Variants in LRFN2 observed in about 807,000 individuals in gnomAD.
LRFN2 encodes leucine-rich repeat and fibronectin type-III domain-containing protein 2.
In LRFN2, 18 loss-of-function variants were observed where a neutral mutation model predicts 37.3. The ratio of observed to expected loss-of-function variants is 0.48; its 90% CI spans 0.33 to 0.72. The LOEUF is 0.72. Among genes scored for constraint, LRFN2 ranks in the 30% least tolerant of loss-of-function variants. LRFN2 has a pLI of 0.02. For missense variants in LRFN2, 1,006 were observed against 1,060.7 expected (o/e 0.95, Z 0.72); for synonymous variants, 556 against 466.6 (o/e 1.19, Z -2.47).
At chr6:40,460,305 C>T (rs940581895) in intron 1 of LRFN2, among the ~76,000 whole-genome samples, 1 of 152,196 alleles carries the variant, frequency 6.6e-6, no homozygotes, top group African/African-American at 2.4e-5. Context: ...TTCTTCCAGG[C>T]TGTAGACTCT....
At chr6:40,493,076 C>A (rs1294280471) in intron 1 of LRFN2, among the ~76,000 whole-genome samples, 1 of 152,088 alleles carries the variant, frequency 6.6e-6, no homozygotes, top group African/African-American at 2.4e-5. Context: ...GAGACTATGA[C>A]ATATGAAAGA....
chr6:40,439,333 T>C (rs1478790363), intron 1 of LRFN2, among the ~76,000 whole-genome samples: 1 of 151,774 alleles, frequency 6.6e-6, no homozygotes, highest in Admixed American at 6.6e-5. Context: ...GTGGGAGGGG[T>C]TGGGATCTGC....
rs2113796808 is a variant in LRFN2 at position 40,575,429 on chromosome 6, GGGCAGAT to G, written c.-19+11505_-19+11511del. ...CTTCCATGGACACAGGAAAGAAGGA[GGGCAGAT>G]GGCAACCACACCACCCAGCCAGGGC... On this transcript the variant is annotated intron_variant, in intron 1 of 2. Transcript: ENST00000338305. Among the ~76,000 whole-genome samples, 3 of 152,260 alleles carry G rather than the reference GGGCAGAT, an allele frequency of 2.0e-5. No homozygotes were observed. The East Asian group carries it at 5.8e-4, about 30-fold the overall frequency.
chr6:40,579,124 C>G (rs1309899914), intron 1 of LRFN2, among the ~76,000 whole-genome samples: 2 of 152,212 alleles, frequency 1.3e-5, no homozygotes, highest in African/African-American at 4.8e-5. Flanking sequence ...CAATCCCTGC[C>G]AGCATCCTCA....
At chr6:40,490,548 C>A (rs563224389) in intron 1 of LRFN2, among the ~76,000 whole-genome samples, 2 of 152,294 alleles carry the variant, frequency 1.3e-5, no homozygotes, top group South Asian at 2.1e-4. Context: ...CATGAAAATT[C>A]TTTCCTCTTT....
chr6:40,583,213 C>CATATATAGTATATATACACA (rs56833551), intron 1 of LRFN2, among the ~76,000 whole-genome samples: 1 of 143,724 alleles, frequency 7.0e-6, no homozygotes, highest in African/African-American at 2.7e-5. Context: ...TATATATACA[C>CATATATAGTATATATACACA]TATATACATA....
chr6:40,432,534 C>T lies in LRFN2; in HGVS notation c.580G>A (p.Ala194Thr). 6.2e-7 allele frequency: 1 copy of T among 1,614,240 alleles called. No individual in the cohort carries two copies. Among genetic ancestry groups the T allele is most frequent in the Non-Finnish European group, 8.5e-7 (1 of 1,180,046 alleles). ...AGGCGGGCCAGTTTCTGCAGGTCTG[C>T]AAAGGTGCCCTCGGCGATGTGATCC... is the stretch of plus-strand genomic sequence containing the variant. ...LLDHIAEGTF[A>T]DLQKLARLDL... Residue 194 changes from alanine (A) to threonine (T), a missense_variant, in exon 2 of 3, where the codon GCA becomes ACA. Around this residue, in one of 4 missense-constraint regions of LRFN2, gnomAD observed 185 missense variants for 254.9 expected, o/e 0.73. Coordinates refer to ENST00000338305, the MANE Select transcript of LRFN2 (RefSeq NM_020737.3).
intron 1 of LRFN2, among the ~76,000 whole-genome samples, chr6:40,459,114 G>T (rs2436731): frequency 0.13 from 19,254 of 152,218 alleles, 1,391 homozygotes; most frequent in Admixed American, 0.21. Flanking sequence ...TTTGTAAACT[G>T]GGCTAAAGAT....
chr6:40,392,190 C>T lies in LRFN2; in HGVS notation c.2123G>A (p.Ser708Asn). The T allele has an allele frequency of 1.9e-6, 3 of 1,585,590 alleles. No homozygotes were observed. Among genetic ancestry groups the T allele is most frequent in the South Asian group, 1.2e-5 (1 of 86,480 alleles). ...GCCCTCCAACGGCAAGGGGAGCAGG[C>T]TCCTGGCCCGGGCCGCAGGGGGCCC... ...LLGPPAARAR[S>N]LLPLPLEGKA... Residue 708 changes from serine (S) to asparagine (N), a missense_variant, in exon 3 of 3, where the codon AGC becomes AAC. This residue lies in a region of LRFN2 where 398 missense variants were observed against 327.6 expected (regional missense o/e 1.21). Transcript: ENST00000338305. The surrounding 1 kb of genome is among the most constrained non-coding windows in gnomAD (Gnocchi z 4.7).
chr6:40,579,966 C>A lies in LRFN2; in HGVS notation c.-19+6975G>T, dbSNP rs532726833. Among the ~76,000 whole-genome samples, 4 of 152,232 alleles carry A rather than the reference C, an allele frequency of 2.6e-5. No individual in the cohort carries two copies. In the South Asian group the frequency reaches 8.3e-4, roughly 32 times the overall value. On this transcript the variant is annotated intron_variant, in intron 1 of 2. Coordinates refer to ENST00000338305, the MANE Select transcript of LRFN2 (RefSeq NM_020737.3). ...TTACCACATCTTAAAGGAACAGGGC[C>A]TTAAAGTTTGAAGGAAGTGAAGGTA... is the stretch of plus-strand genomic sequence containing the variant.
chr6:40,465,734 T>G (rs1036131250), intron 1 of LRFN2, among the ~76,000 whole-genome samples: 34 of 152,006 alleles, frequency 2.2e-4, no homozygotes, highest in African/African-American at 7.7e-4. Flanking sequence ...TTCTGGGAAT[T>G]TGGGGACTGG....
At chr6:40,537,123 C>G (rs1056397692) in intron 1 of LRFN2, among the ~76,000 whole-genome samples, 1 of 152,170 alleles carries the variant, frequency 6.6e-6, no homozygotes, top group Non-Finnish European at 1.5e-5. Flanking sequence ...CCATTCTCTA[C>G]GTAATTGTTT....
At chr6:40,480,639 G>A (rs1457389105) in intron 1 of LRFN2, among the ~76,000 whole-genome samples, 1 of 152,234 alleles carries the variant, frequency 6.6e-6, no homozygotes, top group South Asian at 2.1e-4. Context: ...GGCAGTCTTA[G>A]ATTTGAATCC....
intron 1 of LRFN2, among the ~76,000 whole-genome samples, chr6:40,489,137 G>A: frequency 6.6e-6 from 1 of 152,024 alleles, no homozygotes; most frequent in East Asian, 1.9e-4. Context: ...GGAAAAAGCA[G>A]GCACACCCCA....
chr6:40,469,160 C>T (rs781754444), intron 1 of LRFN2, among the ~76,000 whole-genome samples: 13 of 152,110 alleles, frequency 8.5e-5, no homozygotes, highest in African/African-American at 1.4e-4. Flanking sequence ...ATGTGATGAC[C>T]GAGGCAGGGG....
At chr6:40,433,157 G>GGTCA in intron 1 of LRFN2, 26 bp from the exon 2 acceptor site, 1 of 1,506,674 alleles carries the variant, frequency 6.6e-7, no homozygotes, top group Non-Finnish European at 8.9e-7. Context: ...ACAAGCTCAG[G>GGTCA]GTCAGGAGGC....
intron 1 of LRFN2, among the ~76,000 whole-genome samples, chr6:40,538,614 C>G (rs114373171): frequency 0.013 from 2,033 of 152,358 alleles, 15 homozygotes; most frequent in Middle Eastern, 0.02. Context: ...CCCAATCATT[C>G]CCTGCTTTCC....
chr6:40,503,332 G>T (rs1765439152), intron 1 of LRFN2, among the ~76,000 whole-genome samples: 1 of 152,194 alleles, frequency 6.6e-6, no homozygotes, highest in Non-Finnish European at 1.5e-5. Flanking sequence ...TTCTCCCACA[G>T]CTACTCAGGA....
intron 1 of LRFN2, among the ~76,000 whole-genome samples, chr6:40,583,195 T>C (rs79179582): frequency 1.9e-5 from 1 of 51,404 alleles, no homozygotes; most frequent in South Asian, 5.3e-4. Flanking sequence ...ATAGTGTATA[T>C]ATAGACATAT....
Sources: allele counts gnomAD v4.1 joint callset (sites outside exome capture counted in the v4.1 genomes callset), GRCh38; gene constraint gnomAD v4.1.1; regional missense constraint gnomAD v4.1.1; non-coding constraint Gnocchi (gnomAD v3.1); transcripts MANE v1.5; gene names NCBI Gene and HGNC (gene_info 2026-07-23, HGNC 2026-07-21).